ZNF718: variants seen among roughly 807,000 people sequenced by gnomAD.
ZNF718 encodes zinc finger protein 718.
Under a neutral mutation model 2.6 loss-of-function variants are expected in ZNF718, and 3 were observed. That is an observed-to-expected ratio of 1.16 (90% CI 0.53 to 3.01). The LOEUF (loss-of-function observed/expected upper bound fraction) is 3.01. Ranked by LOEUF, ZNF718 falls within the 30% of genes most tolerant of loss-of-function variation. ZNF718 has a pLI of 0.03. For synonymous variants in ZNF718, 135 were observed against 77.9 expected (o/e 1.73, Z -3.86); for missense variants, 468 against 230.0 (o/e 2.03, Z -6.69).
chr4:128,469 CTG>C lies in ZNF718; in HGVS notation c.4-2315_4-2314del, dbSNP rs1473247911. 2.9e-5 allele frequency among the ~76,000 whole-genome samples: 3 copies of C among 103,024 alleles called. 1 individual carries two copies. The highest frequency in any genetic ancestry group is 1.0e-4 in the African/African-American group (3 of 29,518). 67.6% of individuals were successfully genotyped at this position (103,024 alleles called of 152,430 possible). ...CACAAGTGTACCTTCCTCCTCTATA[CTG>C]TGTTATGGGAGTAGAGTACTTTTGT... On this transcript the variant is annotated intron_variant, in intron 1 of 3. Transcript: ENST00000510175.
At chr4:188,527 T>G (rs1553820711) in intron 3 of ZNF718, among the ~76,000 whole-genome samples, 1 of 152,200 alleles carries the variant, frequency 6.6e-6, no homozygotes, top group Non-Finnish European at 1.5e-5. Flanking sequence ...CCCCCTGGAT[T>G]CAGCCTCTTC....
chr4:199,679 T>A (rs1021719046), intron 3 of ZNF718, among the ~76,000 whole-genome samples: 5 of 152,220 alleles, frequency 3.3e-5, no homozygotes, highest in Non-Finnish European at 7.4e-5. Context: ...CTTGGAGTGT[T>A]GATGGGGTTA....
chr4:162,780 A>G lies in ZNF718; in HGVS notation c.*658A>G, dbSNP rs530438357. 1.3e-5 allele frequency: 2 copies of G among 152,312 alleles called. No individual in the cohort carries two copies. The highest frequency in any genetic ancestry group is 4.1e-4 in the South Asian group (2 of 4,830). The allele number at this position is 152,312 out of a possible 1,614,324, so 9.4% of individuals were successfully genotyped here. On this transcript the variant is annotated 3_prime_UTR_variant, in exon 4 of 4. Transcript: ENST00000510175. ...AATTTGGAAAAGCATTTGTTCAAAA[A>G]CTATAGCTTAAAAAAAACCAGTTTA...
At chr4:191,879 G>C (rs1307142252) in intron 3 of ZNF718, among the ~76,000 whole-genome samples, 1 of 152,124 alleles carries the variant, frequency 6.6e-6, no homozygotes, top group African/African-American at 2.4e-5. Flanking sequence ...TGGGGTTCTT[G>C]GCCTCATGGA....
intron 3 of ZNF718, among the ~76,000 whole-genome samples, chr4:178,012 C>T (rs1284495255): frequency 6.6e-6 from 1 of 152,132 alleles, no homozygotes; most frequent in African/African-American, 2.4e-5. Context: ...TGAAACACCC[C>T]TTAAGACACC....
intron 3 of ZNF718, among the ~76,000 whole-genome samples, chr4:141,129 T>C (rs1278018588): frequency 6.6e-6 from 1 of 152,160 alleles, no homozygotes; most frequent in Non-Finnish European, 1.5e-5. Context: ...AGGTTTCTAT[T>C]TAACATGTAA....
At chr4:157,099 CTTTCTTTTTTTT>C in intron 3 of ZNF718, among the ~76,000 whole-genome samples, 1 of 58,916 alleles carries the variant, frequency 1.7e-5, no homozygotes, top group Non-Finnish European at 3.3e-5. Flanking sequence ...TTCTTTCTTT[CTTTCTTTTTTTT>C]TTTTTTTTTT....
chr4:147,647 T>G (rs1005176232), intron 3 of ZNF718, among the ~76,000 whole-genome samples: 5 of 152,126 alleles, frequency 3.3e-5, no homozygotes, highest in Admixed American at 6.6e-5. Context: ...GTGAATTGCC[T>G]CAGCTCAGGA....
chr4:200,540 T>C (rs1216575032), intron 3 of ZNF718, among the ~76,000 whole-genome samples: 1 of 152,230 alleles, frequency 6.6e-6, no homozygotes, highest in Non-Finnish European at 1.5e-5. Flanking sequence ...GTGCTGGCAT[T>C]ACAGGCATGA....
At chr4:202,088 T>C (rs189332540) in exon 5 of ZNF718, 1 of 152,342 alleles carries the variant, frequency 6.6e-6, no homozygotes, top group Non-Finnish European at 1.5e-5. Context: ...TGGGAGATAA[T>C]TGAATCATGG....
chr4:162,978 T>C lies in ZNF718; in HGVS notation c.*856T>C, dbSNP rs1336683299. ...AAGCTGAAACTGTTAGATAATTTCT[T>C]TCTATATAAGTTGAAAAGGAGTAGC... On this transcript the variant is annotated 3_prime_UTR_variant, in exon 4 of 4. Transcript: ENST00000510175. 1.3e-5 allele frequency: 2 copies of C among 152,164 alleles called. No individual in the cohort carries two copies. The highest frequency in any genetic ancestry group is 4.8e-5 in the African/African-American group (2 of 41,448). The allele number at this position is 152,164 out of a possible 1,614,324, so 9.4% of individuals were successfully genotyped here. A position where few individuals can be genotyped will look rare whatever the true frequency, so the allele number is the denominator to read the frequency against.
At chr4:201,212 G>T (rs530341812) in intron 4 of ZNF718, 2 of 152,334 alleles carry the variant, frequency 1.3e-5, no homozygotes, top group African/African-American at 4.8e-5. Flanking sequence ...TGACAGATTG[G>T]TGAGTACACA....
At chr4:156,552 A>G (rs782165245) in intron 3 of ZNF718, among the ~76,000 whole-genome samples, 4 of 152,170 alleles carry the variant, frequency 2.6e-5, no homozygotes, top group Admixed American at 6.6e-5. Context: ...TTATATTGAC[A>G]TTGTTATGCA....
chr4:153,332 G>A (rs541333811), intron 3 of ZNF718, among the ~76,000 whole-genome samples: 11 of 152,036 alleles, frequency 7.2e-5, no homozygotes, highest in Admixed American at 5.9e-4. Context: ...ATTATATTAT[G>A]GAGTCAGGTA....
At chr4:140,060 T>C (rs1715745628) in intron 3 of ZNF718, among the ~76,000 whole-genome samples, 1 of 152,170 alleles carries the variant, frequency 6.6e-6, no homozygotes, top group African/African-American at 2.4e-5. Flanking sequence ...GATCCCTATG[T>C]GTGGCGCAGT....
At chr4:148,404 T>C (rs1716161800) in intron 3 of ZNF718, among the ~76,000 whole-genome samples, 1 of 151,654 alleles carries the variant, frequency 6.6e-6, no homozygotes, top group Non-Finnish European at 1.5e-5. Flanking sequence ...AGGTCAGGAG[T>C]TCGAGACCAG....
exon 5 of ZNF718, chr4:201,647 T>C (rs56921373): frequency 0.23 from 41,273 of 176,034 alleles, 5,238 homozygotes; most frequent in Non-Finnish European, 0.29. Context: ...AGCAGCAACA[T>C]TGAATGCTTT....
intron 3 of ZNF718, among the ~76,000 whole-genome samples, chr4:179,609 G>A (rs1473883809): frequency 1.3e-5 from 2 of 152,152 alleles, no homozygotes; most frequent in Non-Finnish European, 2.9e-5. Context: ...TGTTTCTATG[G>A]CCTGTCTCTG....
chr4:160,387 G>C (rs539561905), intron 3 of ZNF718, among the ~76,000 whole-genome samples: 1 of 152,256 alleles, frequency 6.6e-6, no homozygotes, highest in East Asian at 1.9e-4. Flanking sequence ...CTCATTTATA[G>C]ATTTCACACA....
Sources: gnomAD v4.1 joint callset for allele counts (sites outside exome capture counted in the v4.1 genomes callset) on GRCh38, gnomAD v4.1.1 for gene constraint, MANE v1.5 for transcripts, NCBI Gene and HGNC (gene_info 2026-07-23, HGNC 2026-07-21) for gene names.